NAV3: variants seen among roughly 807,000 people sequenced by gnomAD.
NAV3 encodes pore membrane and/or filament interacting like protein 1.
A neutral mutation model predicts 244.7 loss-of-function variants in NAV3; 87 were observed. That is an observed-to-expected ratio of 0.36 (90% CI 0.30 to 0.42). The LOEUF is 0.42. Ranked by LOEUF, NAV3 falls within the 20% of genes least tolerant of loss-of-function variation. The pLI is 1.00. For synonymous variants in NAV3, 1,126 were observed against 1,042.2 expected, an observed-to-expected ratio of 1.08 and a Z score of -1.55; for missense variants, 2,663 against 2,893.3, an observed-to-expected ratio of 0.92 and a Z score of 1.83.
At chr12:77,895,309 TTGTGTGTG>T (rs71440496) in intron 1 of NAV3, among the ~76,000 whole-genome samples, 15 of 148,572 alleles carry the variant, frequency 1.0e-4, no homozygotes, top group Non-Finnish European at 1.6e-4. Flanking sequence ...TTTAGAATGA[TTGTGTGTG>T]TGTGTGTGTG....
intron 12 of NAV3, among the ~76,000 whole-genome samples, chr12:78,114,865 T>G: frequency 6.6e-6 from 1 of 152,332 alleles, no homozygotes; most frequent in East Asian, 1.9e-4. Context: ...ATAATCTGAA[T>G]TATAAATGTC....
At chr12:77,999,960 C>A (rs1212243129) in intron 7 of NAV3, among the ~76,000 whole-genome samples, 1 of 152,010 alleles carries the variant, frequency 6.6e-6, no homozygotes, top group Non-Finnish European at 1.5e-5. Context: ...ACGATACCAC[C>A]GTTATTGATA....
rs1418043419 is a variant in NAV3 at position 78,003,050 on chromosome 12, G to T, written c.881-3369G>T. 5.3e-5 allele frequency among the ~76,000 whole-genome samples: 8 copies of T among 151,094 alleles called. No homozygotes were observed. In the South Asian group the frequency reaches 1.7e-3, roughly 32 times the overall value. On this transcript the variant is annotated intron_variant, in intron 7 of 39. Transcript: ENST00000397909. ...AGAGTGGCACTCTAATATTGCAAAG[G>T]TACAATATAAGCATGTGCAGAATGA...
chr12:78,108,181 T>G (rs191611772), intron 12 of NAV3, among the ~76,000 whole-genome samples: 1 of 152,142 alleles, frequency 6.6e-6, no homozygotes, highest in African/African-American at 2.4e-5. Flanking sequence ...CATACAGACT[T>G]TAAGTCAAAA....
intron 2 of NAV3, among the ~76,000 whole-genome samples, chr12:77,625,796 GT>G (rs1413669051): frequency 2.0e-5 from 3 of 152,128 alleles, no homozygotes; most frequent in Non-Finnish European, 4.4e-5. Flanking sequence ...GTAGGAAAAA[GT>G]TTTTCCCTGT....
upstream of NAV3, among the ~76,000 whole-genome samples, chr12:77,830,194 C>CA (rs1565833431): frequency 6.6e-6 from 1 of 152,194 alleles, no homozygotes; most frequent in Non-Finnish European, 1.5e-5. Context: ...CATTCATTCT[C>CA]ACTGAGTATC....
chr12:77,580,495 T>C (rs145640220), intron 2 of NAV3, among the ~76,000 whole-genome samples: 99 of 152,312 alleles, frequency 6.5e-4, no homozygotes, highest in African/African-American at 2.2e-3. Flanking sequence ...TAACTAGAAC[T>C]CAACCCTAGA....
chr12:78,129,365 A>G (rs760330795), intron 18 of NAV3, among the ~76,000 whole-genome samples: 5 of 152,210 alleles, frequency 3.3e-5, no homozygotes, highest in Non-Finnish European at 7.3e-5. Context: ...TCCATGACTC[A>G]AAGTTAACTT....
intron 30 of NAV3, 51 bp downstream of exon 30, chr12:78,181,096 G>C: frequency 6.4e-7 from 1 of 1,551,786 alleles, no homozygotes; most frequent in Non-Finnish European, 8.8e-7. Context: ...ATGAGTTAAC[G>C]GGTGGGAAGC....
chr12:77,714,689 T>C (rs1876282452), intron 2 of NAV3, among the ~76,000 whole-genome samples: 1 of 152,196 alleles, frequency 6.6e-6, no homozygotes, highest in African/African-American at 2.4e-5. Flanking sequence ...CATCTATGAA[T>C]TTCATTTTTA....
intron 18 of NAV3, among the ~76,000 whole-genome samples, chr12:78,129,796 C>A (rs1199594501): frequency 2.0e-5 from 3 of 152,086 alleles, no homozygotes; most frequent in African/African-American, 7.2e-5. Context: ...AAACACATCT[C>A]TGAATTTAGG....
At chr12:77,987,530 C>A (rs1230131367) in intron 5 of NAV3, among the ~76,000 whole-genome samples, 1 of 152,100 alleles carries the variant, frequency 6.6e-6, no homozygotes, top group Non-Finnish European at 1.5e-5. Context: ...ATTCTTGGAA[C>A]AATTTCCCTT....
intron 22 of NAV3, among the ~76,000 whole-genome samples, chr12:78,149,499 C>A (rs1166697639): frequency 1.3e-5 from 2 of 151,936 alleles, no homozygotes; most frequent in South Asian, 2.1e-4. Flanking sequence ...CAATGAAGAC[C>A]GTCAATTAAA....
At chr12:77,730,821 A>C (rs922649922) in intron 2 of NAV3, among the ~76,000 whole-genome samples, 1 of 151,522 alleles carries the variant, frequency 6.6e-6, no homozygotes, top group African/African-American at 2.4e-5. Flanking sequence ...TGACATTTTT[A>C]AATACTTGGG....
chr12:78,137,624 A>C (rs1259689569), intron 19 of NAV3, among the ~76,000 whole-genome samples: 1 of 152,190 alleles, frequency 6.6e-6, no homozygotes, highest in African/African-American at 2.4e-5. Context: ...CCAATACAGA[A>C]ATATACATAT....
At chr12:77,884,811 C>T (rs1331173935) in intron 1 of NAV3, among the ~76,000 whole-genome samples, 3 of 152,102 alleles carry the variant, frequency 2.0e-5, no homozygotes, top group Non-Finnish European at 1.5e-5. Context: ...AATTCCATCC[C>T]AGGTACTCCT....
chr12:77,821,111 AC>A (rs1872726807), intron 2 of NAV3, among the ~76,000 whole-genome samples: 1 of 151,484 alleles, frequency 6.6e-6, no homozygotes, highest in Non-Finnish European at 1.5e-5. Flanking sequence ...ACACACACAC[AC>A]AGCTGTTTTG....
chr12:77,900,399 G>T (rs970200506), intron 1 of NAV3, among the ~76,000 whole-genome samples: 1 of 152,056 alleles, frequency 6.6e-6, no homozygotes, highest in African/African-American at 2.4e-5. Flanking sequence ...GTATCCATGT[G>T]TACTCAGTGC....
intron 2 of NAV3, among the ~76,000 whole-genome samples, chr12:77,786,769 C>G (rs1044304874): frequency 6.6e-6 from 1 of 152,138 alleles, no homozygotes; most frequent in African/African-American, 2.4e-5. Context: ...TTTTTCATTT[C>G]TGACTACTTG....
Sources: allele counts gnomAD v4.1 joint callset (sites outside exome capture counted in the v4.1 genomes callset), GRCh38; gene constraint gnomAD v4.1.1; transcripts MANE v1.5; gene names NCBI Gene and HGNC (gene_info 2026-07-23, HGNC 2026-07-21).